Variants in IGSF21 observed in about 807,000 individuals in gnomAD.
The protein encoded by IGSF21 is immunoglobin superfamily member 21, also known as immunoglobulin superfamily member 21.
Under a neutral mutation model 46.8 loss-of-function variants are expected in IGSF21, and 28 were observed. The ratio of observed to expected loss-of-function variants is 0.60; its 90% CI spans 0.44 to 0.82. The LOEUF is 0.82. Ranked by LOEUF, IGSF21 falls within the 40% of genes least tolerant of loss-of-function variation. The pLI, the probability that IGSF21 is intolerant of heterozygous loss-of-function variation, is 0.00. For synonymous variants in IGSF21, 284 were observed against 273.6 expected, an observed-to-expected ratio of 1.04 and a Z score of -0.38; for missense variants, 624 against 665.5, an observed-to-expected ratio of 0.94 and a Z score of 0.69.
intron 2 of IGSF21, among the ~76,000 whole-genome samples, chr1:18,256,965 C>T (rs2084899042): frequency 1.3e-5 from 2 of 152,142 alleles, no homozygotes; most frequent in Non-Finnish European, 2.9e-5. Flanking sequence ...TGACTCTCTC[C>T]ATAGCTCACC....
intron 2 of IGSF21, among the ~76,000 whole-genome samples, chr1:18,249,606 T>C (rs2084817508): frequency 6.6e-6 from 1 of 152,198 alleles, no homozygotes; most frequent in African/African-American, 2.4e-5. Context: ...CCAAGCTGTT[T>C]TGCCCCCGTG....
intron 1 of IGSF21, among the ~76,000 whole-genome samples, chr1:18,152,441 A>T (rs1353530938): frequency 1.3e-5 from 2 of 152,208 alleles, no homozygotes; most frequent in African/African-American, 4.8e-5. Context: ...AGATCTTTAG[A>T]AAACACAGAC....
chr1:18,215,978 G>A (rs2084440552), intron 1 of IGSF21, among the ~76,000 whole-genome samples: 1 of 152,192 alleles, frequency 6.6e-6, no homozygotes, highest in Non-Finnish European at 1.5e-5. Flanking sequence ...ATTATGCAGA[G>A]GTGCATACCG....
intron 2 of IGSF21, among the ~76,000 whole-genome samples, chr1:18,277,685 T>C (rs2085116078): frequency 6.6e-6 from 1 of 152,232 alleles, no homozygotes; most frequent in Non-Finnish European, 1.5e-5. Context: ...CATGGAATAC[T>C]ACTCAGTGAT....
rs375715848 is a variant in IGSF21, at chr1:18,296,460, T to C, written c.305+4473T>C. 2.6e-5 allele frequency among the ~76,000 whole-genome samples: 4 copies of C among 152,200 alleles called. No homozygotes were observed. The East Asian group carries it at 7.7e-4, about 29-fold the overall frequency. On this transcript the variant is annotated intron_variant, in intron 3 of 9. Transcript: ENST00000251296. The stretch of plus-strand genomic sequence containing the variant: ...GGGAGTCATGGGAAAGTGTGAAGGA[T>C]AGAAGGACCTGAGCTAAGGGCAGTA...
intron 3 of IGSF21, among the ~76,000 whole-genome samples, chr1:18,308,163 T>C (rs1353195586): frequency 6.6e-6 from 1 of 152,022 alleles, no homozygotes; most frequent in Non-Finnish European, 1.5e-5. Flanking sequence ...CGCCAAACGC[T>C]CACCCCGGTT....
intron 1 of IGSF21, among the ~76,000 whole-genome samples, chr1:18,151,029 C>T (rs1292675815): frequency 6.6e-6 from 1 of 152,242 alleles, no homozygotes; most frequent in Non-Finnish European, 1.5e-5. Flanking sequence ...GGTATGTGAC[C>T]TGAGCAAGGT....
chr1:18,204,531 G>A (rs768575768), intron 1 of IGSF21, among the ~76,000 whole-genome samples: 2 of 152,162 alleles, frequency 1.3e-5, no homozygotes, highest in Non-Finnish European at 2.9e-5. Context: ...GGGTTACCAT[G>A]GCTTGAATCT....
At chr1:18,343,440 T>C (rs985156206) in intron 4 of IGSF21, among the ~76,000 whole-genome samples, 2 of 152,240 alleles carry the variant, frequency 1.3e-5, no homozygotes, top group Non-Finnish European at 2.9e-5. Flanking sequence ...ACAAAATGTT[T>C]TAATGTCAAT....
chr1:18,134,134 A>G (rs1273976187), intron 1 of IGSF21, among the ~76,000 whole-genome samples: 2 of 152,138 alleles, frequency 1.3e-5, no homozygotes, highest in African/African-American at 4.8e-5. Context: ...TACTCTTAGT[A>G]GAACCATGAG....
chr1:18,250,858 C>A (rs1030450311), intron 2 of IGSF21, among the ~76,000 whole-genome samples: 12 of 152,078 alleles, frequency 7.9e-5, no homozygotes, highest in African/African-American at 2.9e-4. Context: ...AGGAGACAGA[C>A]CATTAATTAA....
chr1:18,293,131 G>A (rs974475839), intron 3 of IGSF21, among the ~76,000 whole-genome samples: 8 of 152,288 alleles, frequency 5.3e-5, no homozygotes, highest in South Asian at 4.1e-4. Context: ...TCTCCAGCAC[G>A]GGCTGTGGGT....
chr1:18,377,245 G>A, intron 8 of IGSF21, 148 bp from the exon 9 acceptor site: 1 of 858,740 alleles, frequency 1.2e-6, no homozygotes, highest in Non-Finnish European at 2.0e-6. Flanking sequence ...AAATGGGGCT[G>A]ATACTATCCA....
At chr1:18,319,766 C>T (rs996241040) in intron 3 of IGSF21, among the ~76,000 whole-genome samples, 5 of 152,164 alleles carry the variant, frequency 3.3e-5, no homozygotes, top group Admixed American at 6.5e-5. Context: ...CCTGACCTCC[C>T]AGCAATTTCA....
chr1:18,171,607 T>G (rs2086737754), intron 1 of IGSF21, among the ~76,000 whole-genome samples: 1 of 152,176 alleles, frequency 6.6e-6, no homozygotes, highest in Non-Finnish European at 1.5e-5. Flanking sequence ...AATCAAGAAT[T>G]AATCATGCTA....
At chr1:18,281,940 G>A (rs1569716364) in intron 2 of IGSF21, among the ~76,000 whole-genome samples, 1 of 152,162 alleles carries the variant, frequency 6.6e-6, no homozygotes, top group Admixed American at 6.5e-5. Flanking sequence ...AAGAGGGTGT[G>A]CTTCGGAGCA....
intron 1 of IGSF21, among the ~76,000 whole-genome samples, chr1:18,139,950 A>G (rs1276270673): frequency 6.6e-6 from 1 of 151,898 alleles, no homozygotes. Flanking sequence ...TTTAAAAAAA[A>G]TAAAAAATTT....
intron 2 of IGSF21, among the ~76,000 whole-genome samples, chr1:18,284,126 A>G (rs2085189454): frequency 6.6e-6 from 1 of 152,104 alleles, no homozygotes; most frequent in Non-Finnish European, 1.5e-5. Flanking sequence ...TCCTGAAAGG[A>G]CCTCAAGCAA....
chr1:18,252,923 G>T (rs2084856439), intron 2 of IGSF21, among the ~76,000 whole-genome samples: 1 of 152,164 alleles, frequency 6.6e-6, no homozygotes, highest in Admixed American at 6.5e-5. Context: ...ACATGAGATA[G>T]TGTAGGTAAC....
Sources: gnomAD v4.1 joint callset for allele counts (sites outside exome capture counted in the v4.1 genomes callset) on GRCh38, gnomAD v4.1.1 for gene constraint, MANE v1.5 for transcripts, NCBI Gene and HGNC (gene_info 2026-07-23, HGNC 2026-07-21) for gene names.